Variants in THOC2 observed in about 807,000 individuals in gnomAD.
The protein encoded by THOC2 is THO complex 2.
Under a neutral mutation model 128.4 loss-of-function variants are expected in THOC2, and 10 were observed. The observed-to-expected ratio is 0.08, with a 90% CI of 0.05 to 0.13. The LOEUF (loss-of-function observed/expected upper bound fraction) is 0.13, where lower values mean the gene tolerates loss of function less well. Among genes scored for constraint, THOC2 ranks in the 10% least tolerant of loss-of-function variants. THOC2 has a pLI of 1.00. For missense variants in THOC2, 535 were observed against 1,155.7 expected (o/e 0.46, Z 7.79); for synonymous variants, 393 against 396.9 (o/e 0.99, Z 0.12).
At chrX:123,603,732 G>A (rs1244648544) in intron 38 of THOC2, 11 of 390,095 alleles carry the variant, frequency 2.8e-5, no homozygotes, top group Non-Finnish European at 5.0e-5. Flanking sequence ...TTTCGGCTTA[G>A]GGGGTCTGTC....
At chrX:123,696,694 T>C in intron 6 of THOC2, 27 bp downstream of exon 6, 1 of 1,183,086 alleles carries the variant, frequency 8.5e-7, no homozygotes. Context: ...AGATACTTGA[T>C]CTGCAACATA....
intron 12 of THOC2, among the ~76,000 whole-genome samples, chrX:123,651,368 T>A (rs191159231): frequency 5.4e-5 from 6 of 111,374 alleles, no homozygotes; most frequent in East Asian, 2.8e-4. Context: ...AAAATCGACA[T>A]CCTAACATCA....
intron 11 of THOC2, among the ~76,000 whole-genome samples, chrX:123,666,273 GTCAACTGACATTTCTCAA>G (rs779308875): frequency 8.9e-6 from 1 of 112,343 alleles, no homozygotes; most frequent in South Asian, 3.7e-4. Flanking sequence ...ACTGATTCAA[GTCAACTGACATTTCTCAA>G]TCTGGATTCC....
Position 123,633,947 on chromosome X carries a change from T to C in THOC2, c.2136+6A>G, listed in dbSNP as rs1275361978. The stretch of plus-strand genomic sequence containing the variant: ...AAAGTTGATGAACAAAAATAGCAAT[T>C]CTTACCTCAGCTTTTAGCTGCTCTC... On this transcript the variant is annotated splice_donor_region_variant and intron_variant, in intron 20 of 38. Coordinates refer to ENST00000245838, the MANE Select transcript of THOC2 (RefSeq NM_001081550.2). 8.0e-6 allele frequency: 9 copies of C among 1,121,842 alleles called. No individual in the cohort carries two copies. Among genetic ancestry groups the C allele is most frequent in the Non-Finnish European group, 1.1e-5 (9 of 822,348 alleles). 92.5% of individuals were successfully genotyped at this position (1,121,842 alleles called of 1,213,427 possible). A position where few individuals can be genotyped will look rare whatever the true frequency, so the allele number is the denominator to read the frequency against.
At chrX:123,669,236 C>A (rs2049165141) in intron 9 of THOC2, among the ~76,000 whole-genome samples, 1 of 109,536 alleles carries the variant, frequency 9.1e-6, no homozygotes, top group Admixed American at 9.8e-5. Flanking sequence ...GACTTTTTCT[C>A]ATTCTGTATG....
At chrX:123,649,635 C>A (rs1244046871) in intron 12 of THOC2, among the ~76,000 whole-genome samples, 1 of 110,400 alleles carries the variant, frequency 9.1e-6, no homozygotes, top group Non-Finnish European at 1.9e-5. Flanking sequence ...CTGAAAAATA[C>A]AGCATGAGAA....
At chrX:123,616,899 C>A (rs1310996949) in intron 33 of THOC2, among the ~76,000 whole-genome samples, 1 of 109,965 alleles carries the variant, frequency 9.1e-6, no homozygotes, top group Non-Finnish European at 1.9e-5. Context: ...GTAAAAATAG[C>A]AAATAAATAA....
At chrX:123,607,449 T>A (rs989094841) in intron 38 of THOC2, among the ~76,000 whole-genome samples, 6 of 50,978 alleles carry the variant, frequency 1.2e-4, no homozygotes, top group Non-Finnish European at 1.8e-4. Context: ...CTAAGTTTTA[T>A]TTATTTATTT....
chrX:123,653,195 G>C (rs925794292), intron 12 of THOC2, among the ~76,000 whole-genome samples: 6 of 111,966 alleles, frequency 5.4e-5, no homozygotes, highest in African/African-American at 2.0e-4. Context: ...TTTAATAAAT[G>C]GTGTTGGAAA....
At chrX:123,638,729 C>T (rs1186337536) in intron 17 of THOC2, among the ~76,000 whole-genome samples, 2 of 93,148 alleles carry the variant, frequency 2.1e-5, no homozygotes, top group South Asian at 4.4e-4. Flanking sequence ...CACACACGTA[C>T]ACACACACAC....
At chrX:123,684,021 T>C (rs1309711615) in intron 8 of THOC2, among the ~76,000 whole-genome samples, 1 of 109,041 alleles carries the variant, frequency 9.2e-6, no homozygotes, top group Non-Finnish European at 1.9e-5. Flanking sequence ...ATTTCTTATA[T>C]AAGAAAAATG....
intron 19 of THOC2, among the ~76,000 whole-genome samples, chrX:123,635,181 T>G (rs750837041): frequency 2.7e-5 from 3 of 111,661 alleles, no homozygotes; most frequent in Non-Finnish European, 3.8e-5. Context: ...TAAACTATGT[T>G]TTAATTAGAT....
rs758709568 is a variant in THOC2 at position 123,624,685 on chromosome X, G to GA, written c.3058-17_3058-16insT. The GA allele has an allele frequency of 6.8e-5, 81 of 1,185,915 alleles. No homozygotes were observed. The African/African-American group carries it at 9.9e-4, about 15-fold the overall frequency. On this transcript the variant is annotated splice_polypyrimidine_tract_variant and intron_variant, in intron 25 of 38. Coordinates refer to ENST00000245838, the MANE Select transcript of THOC2 (RefSeq NM_001081550.2). The stretch of plus-strand genomic sequence containing the variant: ...CAGAGAAAACCTACAGGAGAAAAAT[G>GA]TTTAAAAAATATAAACAAATCAAGG...
intron 1 of THOC2, among the ~76,000 whole-genome samples, chrX:123,716,532 T>C (rs996123156): frequency 3.6e-5 from 4 of 110,846 alleles, no homozygotes; most frequent in African/African-American, 1.3e-4. Flanking sequence ...GAGATCATCC[T>C]GGCTAACACG....
At chrX:123,636,254 A>C (rs1159649144) in intron 18 of THOC2, 79 bp from the exon 19 acceptor site, 5 of 724,126 alleles carry the variant, frequency 6.9e-6, no homozygotes, top group Non-Finnish European at 8.2e-6. Flanking sequence ...CCTCTAAAAC[A>C]AAATGAGGTA....
chrX:123,635,986 A>G, intron 19 of THOC2, 93 bp downstream of exon 19: 1 of 648,522 alleles, frequency 1.5e-6, no homozygotes. Flanking sequence ...CAACCAACAA[A>G]TAAGTAGTCT....
At chrX:123,666,865 A>C (rs1176230329) in intron 11 of THOC2, among the ~76,000 whole-genome samples, 1 of 111,993 alleles carries the variant, frequency 8.9e-6, no homozygotes, top group Non-Finnish European at 1.9e-5. Flanking sequence ...CCAACCTAGA[A>C]GTCTAACTTG....
intron 20 of THOC2, 128 bp from the exon 21 acceptor site, chrX:123,633,168 T>A: frequency 2.5e-6 from 1 of 405,826 alleles, no homozygotes. Flanking sequence ...ATTCCTTCCC[T>A]TACACAAATT....
intron 8 of THOC2, among the ~76,000 whole-genome samples, chrX:123,678,149 G>A (rs1021923337): frequency 9.0e-6 from 1 of 111,240 alleles, no homozygotes; most frequent in Admixed American, 9.6e-5. Flanking sequence ...TCCATGCCAC[G>A]ATGGTTTGCC....
Sources: gnomAD v4.1 joint callset for allele counts (sites outside exome capture counted in the v4.1 genomes callset) on GRCh38, gnomAD v4.1.1 for gene constraint, MANE v1.5 for transcripts, NCBI Gene and HGNC (gene_info 2026-07-23, HGNC 2026-07-21) for gene names.